DGKB: variants seen among roughly 807,000 people sequenced by gnomAD.
DGKB encodes the protein 90 kDa diacylglycerol kinase.
In DGKB, 67 loss-of-function variants were observed where a neutral mutation model predicts 114.3. The observed-to-expected ratio is 0.59, with a 90% CI of 0.48 to 0.72. The LOEUF (loss-of-function observed/expected upper bound fraction) is 0.72. DGKB is among the 30% of genes least tolerant of loss of function. DGKB has a pLI of 0.00. For synonymous variants in DGKB, 398 were observed against 323.1 expected (o/e 1.23, Z -2.49); for missense variants, 907 against 975.2 (o/e 0.93, Z 0.93).
intron 4 of DGKB, among the ~76,000 whole-genome samples, chr7:14,746,797 C>G (rs1185933701): frequency 6.6e-6 from 1 of 152,124 alleles, no homozygotes; most frequent in East Asian, 1.9e-4. Flanking sequence ...CCATGCCCAG[C>G]CAATTTGCCT....
chr7:14,730,283 T>G (rs1426481842), intron 5 of DGKB, among the ~76,000 whole-genome samples: 1 of 152,210 alleles, frequency 6.6e-6, no homozygotes, highest in Admixed American at 6.5e-5. Context: ...GGAGTTGGCA[T>G]GGGTGGCGAT....
At chr7:14,667,877 C>T (rs914173231) in intron 13 of DGKB, among the ~76,000 whole-genome samples, 19 of 152,066 alleles carry the variant, frequency 1.2e-4, no homozygotes, top group African/African-American at 4.3e-4. Flanking sequence ...AATTTTAAAG[C>T]AAAGTGATTT....
chr7:14,903,901 T>C (rs76784259), upstream of DGKB, among the ~76,000 whole-genome samples: 440 of 152,270 alleles, frequency 2.9e-3, no homozygotes, highest in African/African-American at 0.01. Flanking sequence ...GTCCCGTGGT[T>C]GCTCTTAACT....
At chr7:14,750,843 G>T (rs1223017426) in intron 4 of DGKB, among the ~76,000 whole-genome samples, 2 of 104,882 alleles carry the variant, frequency 1.9e-5, no homozygotes, top group Non-Finnish European at 3.5e-5. Context: ...CTCTGTTGTT[G>T]CCCAGGCTGG....
intron 23 of DGKB, among the ~76,000 whole-genome samples, chr7:14,278,820 C>T (rs1799416954): frequency 6.6e-6 from 1 of 151,922 alleles, no homozygotes; most frequent in South Asian, 2.1e-4. Flanking sequence ...AAATAAATAA[C>T]CCAATTAACA....
chr7:14,770,298 C>T (rs1032263347), intron 2 of DGKB, among the ~76,000 whole-genome samples: 1 of 152,002 alleles, frequency 6.6e-6, no homozygotes, highest in African/African-American at 2.4e-5. Flanking sequence ...GGTCAAGAAT[C>T]GGGTTGCAAG....
chr7:14,396,348 A>T (rs1295013586), intron 21 of DGKB, among the ~76,000 whole-genome samples: 1 of 152,190 alleles, frequency 6.6e-6, no homozygotes, highest in Non-Finnish European at 1.5e-5. Context: ...ATCAAAACTT[A>T]CATGGAACAA....
At chr7:14,905,388 A>G (rs897934756), upstream of DGKB, among the ~76,000 whole-genome samples, 3 of 152,214 alleles carry the variant, frequency 2.0e-5, no homozygotes, top group African/African-American at 7.2e-5. Context: ...TTCCTGACTC[A>G]TAACTCAAGA....
At chr7:14,794,368 T>A (rs1417288961) in intron 2 of DGKB, among the ~76,000 whole-genome samples, 1 of 152,168 alleles carries the variant, frequency 6.6e-6, no homozygotes, top group Non-Finnish European at 1.5e-5. Flanking sequence ...AGAAAATATC[T>A]GCATTGGATA....
At chr7:14,411,854 T>C (rs1824935862) in intron 21 of DGKB, among the ~76,000 whole-genome samples, 1 of 152,170 alleles carries the variant, frequency 6.6e-6, no homozygotes, top group Non-Finnish European at 1.5e-5. Context: ...CAGTAAAATA[T>C]AGGGGCATTG....
intron 20 of DGKB, among the ~76,000 whole-genome samples, chr7:14,506,193 G>A (rs993979376): frequency 8.5e-5 from 13 of 152,118 alleles, no homozygotes; most frequent in Middle Eastern, 3.2e-3. Flanking sequence ...AAAATTTTCT[G>A]ATTAGAGTAT....
intron 12 of DGKB, among the ~76,000 whole-genome samples, chr7:14,677,702 A>G (rs1010266430): frequency 1.2e-4 from 18 of 152,026 alleles, no homozygotes; most frequent in African/African-American, 4.3e-4. Context: ...TTCAGAAGAA[A>G]TGAACAGGTA....
intron 1 of DGKB, among the ~76,000 whole-genome samples, chr7:14,862,841 G>T (rs577301284): frequency 2.0e-5 from 3 of 151,956 alleles, no homozygotes; most frequent in African/African-American, 7.2e-5. Context: ...TTGGATATTT[G>T]TGTTTTATTT....
At chr7:14,278,605 C>T (rs761707624) in intron 23 of DGKB, among the ~76,000 whole-genome samples, 3 of 151,962 alleles carry the variant, frequency 2.0e-5, no homozygotes, top group Non-Finnish European at 4.4e-5. Flanking sequence ...GATATGACCC[C>T]CAAAGCACAG....
At chr7:14,191,092 C>T (rs746356914) in intron 23 of DGKB, 27 of 158,636 alleles carry the variant, frequency 1.7e-4, no homozygotes, top group Middle Eastern at 5.4e-4. Context: ...AGATGCTTTG[C>T]GAAAAACGTG....
intron 23 of DGKB, among the ~76,000 whole-genome samples, chr7:14,232,875 C>G (rs952054035): frequency 6.6e-6 from 1 of 151,984 alleles, no homozygotes; most frequent in Non-Finnish European, 1.5e-5. Flanking sequence ...GTGACAAATT[C>G]TAGGCTCTAT....
chr7:14,628,235 G>A (rs1462157145), intron 14 of DGKB, among the ~76,000 whole-genome samples: 3 of 151,670 alleles, frequency 2.0e-5, no homozygotes. Context: ...ATTGAATTTT[G>A]AATACAAAAT....
intron 21 of DGKB, among the ~76,000 whole-genome samples, chr7:14,380,802 CA>C (rs1294248360): frequency 6.6e-6 from 1 of 152,144 alleles, no homozygotes; most frequent in African/African-American, 2.4e-5. Flanking sequence ...CCTTAGCAAT[CA>C]AAGCATATGG....
intron 20 of DGKB, among the ~76,000 whole-genome samples, chr7:14,525,247 G>C (rs1790460313): frequency 1.3e-5 from 2 of 152,102 alleles, no homozygotes; most frequent in South Asian, 4.1e-4. Context: ...CCATTCTGTA[G>C]CCCTGATCTG....
Sources: gnomAD v4.1 joint callset for allele counts (sites outside exome capture counted in the v4.1 genomes callset) on GRCh38, gnomAD v4.1.1 for gene constraint, MANE v1.5 for transcripts, NCBI Gene and HGNC (gene_info 2026-07-23, HGNC 2026-07-21) for gene names.